Variants in EFCAB11 observed in about 807,000 individuals in gnomAD.
EFCAB11 encodes EF-hand calcium-binding domain-containing protein 11.
EFCAB11 carries 14 observed loss-of-function variants against 23.0 expected under a neutral mutation model. The observed-to-expected ratio is 0.61, with a 90% confidence interval of 0.40 to 0.95. EFCAB11 has a LOEUF of 0.95. Ranked by LOEUF, EFCAB11 falls within the 40% of genes least tolerant of loss-of-function variation. The pLI, the probability that EFCAB11 is intolerant of heterozygous loss-of-function variation, is 0.00. For synonymous variants in EFCAB11, 65 were observed against 66.6 expected, an observed-to-expected ratio of 0.98 and a Z score of 0.11; for missense variants, 198 against 195.8, an observed-to-expected ratio of 1.01 and a Z score of -0.07.
At chr14:89,907,912 T>C (rs1311829753) in intron 5 of EFCAB11, among the ~76,000 whole-genome samples, 1 of 152,176 alleles carries the variant, frequency 6.6e-6, no homozygotes, top group South Asian at 2.1e-4. Context: ...AGCCACCTCA[T>C]GGGGTCGTTG....
rs561618881 is a variant in EFCAB11, at chr14:89,808,166, G to A, written c.411-10842C>T. 7.9e-5 allele frequency among the ~76,000 whole-genome samples: 12 copies of A among 152,254 alleles called. No homozygotes were observed. The East Asian group carries it at 1.7e-3, about 22-fold the overall frequency. On this transcript the variant is annotated intron_variant, in intron 5 of 5. Coordinates refer to ENST00000316738, the MANE Select transcript of EFCAB11 (RefSeq NM_145231.4). ...GCCTCCCTTGCAATGAGATGCAACC[G>A]GGAGTCCTGGCAATGAATGTTAATA...
chr14:89,899,222 T>C (rs1889267823), intron 5 of EFCAB11, among the ~76,000 whole-genome samples: 1 of 152,218 alleles, frequency 6.6e-6, no homozygotes, highest in Non-Finnish European at 1.5e-5. Flanking sequence ...TAAAAAATCA[T>C]AATTTAAGCA....
intron 5 of EFCAB11, among the ~76,000 whole-genome samples, chr14:89,800,225 G>A (rs970582476): frequency 7.3e-6 from 1 of 136,956 alleles, no homozygotes; most frequent in Non-Finnish European, 1.6e-5. Context: ...ACAAACAAAC[G>A]CACGCCTGAG....
upstream of EFCAB11, chr14:89,954,759 A>G: frequency 5.9e-6 from 9 of 1,514,020 alleles, no homozygotes; most frequent in Non-Finnish European, 8.0e-6. Flanking sequence ...GCGGCTCAGG[A>G]AGCCGAACTT....
chr14:89,821,342 C>A (rs1021106990), intron 5 of EFCAB11, among the ~76,000 whole-genome samples: 1 of 152,176 alleles, frequency 6.6e-6, no homozygotes, highest in African/African-American at 2.4e-5. Flanking sequence ...GCAGCCTTCC[C>A]TATGAACTCT....
At chr14:89,855,783 G>A (rs1301284042) in intron 5 of EFCAB11, among the ~76,000 whole-genome samples, 1 of 151,970 alleles carries the variant, frequency 6.6e-6, no homozygotes, top group Non-Finnish European at 1.5e-5. Context: ...CCATTTCCTG[G>A]CATGCCCCCA....
intron 3 of EFCAB11, among the ~76,000 whole-genome samples, chr14:89,941,671 C>G (rs1037993925): frequency 1.3e-5 from 2 of 151,220 alleles, no homozygotes; most frequent in African/African-American, 4.9e-5. Context: ...CCACCTCAGC[C>G]TCCCAAGTAG....
At chr14:89,870,767 TAA>T (rs56920547) in intron 5 of EFCAB11, among the ~76,000 whole-genome samples, 21,724 of 103,050 alleles carry the variant, frequency 0.21, 2,775 homozygotes, top group African/African-American at 0.39. Context: ...TCATCTCTAC[TAA>T]AAAAAAAAAA....
intron 5 of EFCAB11, among the ~76,000 whole-genome samples, chr14:89,885,711 A>AAGAAAGAGAGAG (rs1402594226): frequency 2.7e-5 from 4 of 146,972 alleles, no homozygotes; most frequent in East Asian, 2.0e-4. Context: ...GAAAGAGAGA[A>AAGAAAGAGAGAG]AGAAAGAGAG....
rs767143953 is a variant in EFCAB11, at chr14:89,932,627, C to T, written c.218G>A (p.Gly73Asp). 5 of 1,611,070 alleles carry T rather than the reference C, an allele frequency of 3.1e-6. No homozygotes were observed. Among genetic ancestry groups the T allele is most frequent in the Middle Eastern group, 1.7e-4 (1 of 6,038 alleles). ...ATTTAAAAACCCCTCGAGTAATATACCTAAAAGTTGGGGAAAAAACAATTT... is the reference window on the plus strand; with the variant it reads ...ATTTAAAAACCCCTCGAGTAATATATCTAAAAGTTGGGGAAAAAACAATTT... ...VMSSINPNTS[G>D]ILLEGFLNIV... is the part of the protein sequence containing the mutation. Residue 73 changes from glycine (G) to aspartate (D), a missense_variant and splice_region_variant, in exon 4 of 6, where the codon GGT becomes GAT. Gly to Asp is a moderately conservative substitution (Grantham distance 94). Transcript: ENST00000316738.
chr14:89,895,222 T>TG (rs1302199412), intron 5 of EFCAB11, among the ~76,000 whole-genome samples: 2 of 152,188 alleles, frequency 1.3e-5, no homozygotes, highest in African/African-American at 2.4e-5. Context: ...AAAAGAATTT[T>TG]CTGAAATATC....
At chr14:89,925,091 G>T (rs1017262956) in intron 5 of EFCAB11, among the ~76,000 whole-genome samples, 1 of 152,228 alleles carries the variant, frequency 6.6e-6, no homozygotes, top group Non-Finnish European at 1.5e-5. Flanking sequence ...ACAATGCAGA[G>T]AAAGAAAGGC....
intron 5 of EFCAB11, among the ~76,000 whole-genome samples, chr14:89,817,121 A>G (rs1318866986): frequency 1.3e-5 from 2 of 152,120 alleles, no homozygotes; most frequent in Non-Finnish European, 2.9e-5. Context: ...TAAAATAATA[A>G]TAGGATATTT....
intron 5 of EFCAB11, among the ~76,000 whole-genome samples, chr14:89,829,385 G>C (rs1407323274): frequency 6.6e-6 from 1 of 152,172 alleles, no homozygotes; most frequent in Non-Finnish European, 1.5e-5. Context: ...TTATTCTCTT[G>C]TGTTGCATGA....
chr14:89,830,429 T>C (rs1368062644), intron 5 of EFCAB11: 1 of 152,210 alleles, frequency 6.6e-6, no homozygotes, highest in Non-Finnish European at 1.5e-5. Flanking sequence ...TGCTAAAAAT[T>C]ACAACTTTTA....
chr14:89,946,731 G>C (rs937411779), intron 3 of EFCAB11, among the ~76,000 whole-genome samples: 2 of 147,186 alleles, frequency 1.4e-5, no homozygotes, highest in South Asian at 4.2e-4. Flanking sequence ...CATCATGCCT[G>C]GCTTTTTTTT....
At chr14:89,856,040 G>A (rs1011485834) in intron 5 of EFCAB11, among the ~76,000 whole-genome samples, 4 of 152,110 alleles carry the variant, frequency 2.6e-5, no homozygotes, top group African/African-American at 4.8e-5. Context: ...TGAACTCTTA[G>A]GTTGTTTCTA....
At chr14:89,809,801 G>A (rs2183526) in intron 5 of EFCAB11, among the ~76,000 whole-genome samples, 83,623 of 151,868 alleles carry the variant, frequency 0.55, 23,326 homozygotes, top group Middle Eastern at 0.66. Flanking sequence ...CCCTCCCCCC[G>A]TCAATGGCGT....
chr14:89,931,838 G>A lies in EFCAB11; in HGVS notation c.320-207C>T, dbSNP rs553040533. Among the ~76,000 whole-genome samples the A allele has an allele frequency of 2.6e-5, 4 of 152,172 alleles. No individual in the cohort carries two copies. The East Asian group carries it at 7.7e-4, about 29-fold the overall frequency. On this transcript the variant is annotated intron_variant, in intron 4 of 5. Coordinates refer to ENST00000316738, the MANE Select transcript of EFCAB11 (RefSeq NM_145231.4). ...TAATACTTTCCTTCAGTGCAGTCCC[G>A]GCTGATCTTGAAGGTCACTTCTGGC...
Sources: gnomAD v4.1 joint callset for allele counts (sites outside exome capture counted in the v4.1 genomes callset) on GRCh38, gnomAD v4.1.1 for gene constraint, MANE v1.5 for transcripts, NCBI Gene and HGNC (gene_info 2026-07-23, HGNC 2026-07-21) for gene names.